FAAP24: variants seen among roughly 807,000 people sequenced by gnomAD.
The protein encoded by FAAP24 is Fanconi anemia core complex-associated protein 24.
A neutral mutation model predicts 14.3 loss-of-function variants in FAAP24; 16 were observed. The observed-to-expected ratio is 1.12, with a 90% CI of 0.76 to 1.69. FAAP24 has a LOEUF of 1.69. FAAP24 is among the 40% of genes most tolerant of loss of function. FAAP24 has a pLI of 0.00. For missense variants in FAAP24, 234 were observed against 262.7 expected, an observed-to-expected ratio of 0.89 and a Z score of 0.75; for synonymous variants, 111 against 106.2, an observed-to-expected ratio of 1.04 and a Z score of -0.28.
At position 32,976,815 on chromosome 19, in the gene FAAP24, A is replaced by C; in HGVS notation, c.*133A>C. The stretch of plus-strand genomic sequence containing the variant: ...CTAATCTCAGCACTTTGGGAGGCCG[A>C]AGACAGCGGATCATCTGAGGTCAGG... On this transcript the variant is annotated 3_prime_UTR_variant, in exon 5 of 5. Transcript: ENST00000588258. 1 of 1,150,840 alleles carries C rather than the reference A, an allele frequency of 8.7e-7. No individual in the cohort carries two copies. 71.3% of individuals were successfully genotyped at this position (1,150,840 alleles called of 1,614,324 possible).
Position 32,976,744 on chromosome 19 carries a change from A to C in FAAP24, c.*62A>C. ...CCACAAACACCAGGATCTTGTTTTC[A>C]GCTTTAAAAACCAAGAGAATGGGCC... is the stretch of plus-strand genomic sequence containing the variant. On this transcript the variant is annotated 3_prime_UTR_variant, in exon 5 of 5. Transcript: ENST00000588258. 6.3e-7 allele frequency: 1 copy of C among 1,586,228 alleles called. No homozygotes were observed. Among genetic ancestry groups the C allele is most frequent in the Non-Finnish European group, 8.6e-7 (1 of 1,165,336 alleles).
Position 32,973,262 on chromosome 19 carries a change from T to C in FAAP24, c.66T>C (p.Asn22=), listed in dbSNP as rs1051873950. The change falls in exon 2 of 5, where the codon AAT becomes AAC. Residue 22 remains asparagine (N), a synonymous_variant. Coordinates refer to ENST00000588258, the MANE Select transcript of FAAP24 (RefSeq NM_152266.5). ...TGCCTTTGGGGCATATTGTGGCCAA[T>C]GAGAAATGGCGCGGGTCACAGCTGG... ...VHVPLGHIVA[N]EKWRGSQLAQ... 1.9e-6 allele frequency: 3 copies of C among 1,613,890 alleles called. No homozygotes were observed. In the South Asian group the frequency reaches 3.3e-5, roughly 18 times the overall value.
At position 32,976,290 on chromosome 19, in the gene FAAP24, T is replaced by A; in HGVS notation, c.397-141T>A. ...AATTTTACTGATGTCTGAGAAATTA[T>A]ATTCATGATACATGAAAACATTTGT... On this transcript the variant is annotated intron_variant, in intron 4 of 4. Transcript: ENST00000588258. 1.9e-6 allele frequency: 2 copies of A among 1,028,166 alleles called. 1 individual carries two copies. The highest frequency in any genetic ancestry group is 2.8e-6 in the Non-Finnish European group (2 of 715,880). The allele number at this position is 1,028,166 out of a possible 1,614,324, so 63.7% of individuals were successfully genotyped here.
intron 1 of FAAP24, 47 bp downstream of exon 1, chr19:32,972,393 G>A: frequency 2.5e-6 from 1 of 402,094 alleles, no homozygotes; most frequent in Non-Finnish European, 4.4e-6. Context: ...TGATGAAAAT[G>A]AAGGACGCGG....
In FAAP24 at chr19:32,972,362, G is replaced by C; in HGVS notation, c.-14+16G>C. 2 of 403,792 alleles carry C rather than the reference G, an allele frequency of 5.0e-6. No homozygotes were observed. Among genetic ancestry groups the C allele is most frequent in the Non-Finnish European group, 8.8e-6 (2 of 228,404 alleles). The allele number at this position is 403,792 out of a possible 1,614,324, so 25.0% of individuals were successfully genotyped here. A position where few individuals can be genotyped will look rare whatever the true frequency, so the allele number is the denominator to read the frequency against. On this transcript the variant is annotated intron_variant, in intron 1 of 4. Transcript: ENST00000588258. ...AGAAGCTACGGTGCGGATCCAGCTG[G>C]GGTATCAGGGGCTAGGCACGTGATG... is the stretch of plus-strand genomic sequence containing the variant.
chr19:32,972,428 T>C, intron 1 of FAAP24, 82 bp downstream of exon 1: 1 of 401,004 alleles, frequency 2.5e-6, no homozygotes, highest in Non-Finnish European at 4.4e-6. Flanking sequence ...ATCTCCTGGT[T>C]CTTAGAGAAT....
At chr19:32,974,338 A>G in intron 4 of FAAP24, 126 bp downstream of exon 4, 1 of 1,163,556 alleles carries the variant, frequency 8.6e-7, no homozygotes, top group South Asian at 1.6e-5. Flanking sequence ...TCTTCGAGGA[A>G]TTTAAATGCG....
Position 32,977,253 on chromosome 19 carries a change from CA to C in FAAP24, c.*572del. On this transcript the variant is annotated 3_prime_UTR_variant, in exon 5 of 5. Transcript: ENST00000588258. ...TCTTCGCAAGAGAGTCAGGGACTCACACTCAGCAAAAAGCATTAGGGCCGAT... is the reference window on the plus strand; with the variant it reads ...TCTTCGCAAGAGAGTCAGGGACTCACCTCAGCAAAAAGCATTAGGGCCGAT... 2.5e-6 allele frequency: 1 copy of C among 398,988 alleles called. No individual in the cohort carries two copies. The highest frequency in any genetic ancestry group is 4.4e-6 in the Non-Finnish European group (1 of 226,438). 24.7% of individuals were successfully genotyped at this position (398,988 alleles called of 1,614,324 possible). A position where few individuals can be genotyped will look rare whatever the true frequency, so the allele number is the denominator to read the frequency against.
intron 3 of FAAP24, 119 bp from the exon 4 acceptor site, chr19:32,973,941 T>A: frequency 1.1e-6 from 1 of 933,402 alleles, no homozygotes; most frequent in South Asian, 1.4e-5. Context: ...CACCCTTCCC[T>A]CCATCCCTTG....
At chr19:32,973,670 C>T (rs1002222581) in intron 3 of FAAP24, 108 bp downstream of exon 3, 3 of 1,149,408 alleles carry the variant, frequency 2.6e-6, no homozygotes, top group African/African-American at 1.5e-5. Context: ...GCCTGGCCAA[C>T]ATGGTGAAAC....
intron 1 of FAAP24, among the ~76,000 whole-genome samples, chr19:32,972,704 C>T (rs944031132): frequency 3.9e-5 from 5 of 128,424 alleles, no homozygotes; most frequent in African/African-American, 1.5e-4. Flanking sequence ...TTTGTGTTTT[C>T]TTTTTCTTTT....
chr19:32,976,738 GT>G lies in FAAP24; in HGVS notation c.*60del, dbSNP rs1971523747. On this transcript the variant is annotated 3_prime_UTR_variant, in exon 5 of 5. Transcript: ENST00000588258. The stretch of plus-strand genomic sequence containing the variant: ...CTGAGACCACAAACACCAGGATCTT[GT>G]TTTCAGCTTTAAAAACCAAGAGAAT... The G allele has an allele frequency of 1.9e-6, 3 of 1,591,254 alleles. No homozygotes were observed. The South Asian group carries it at 3.3e-5, about 18-fold the overall frequency.
chr19:32,977,028 G>A lies in FAAP24; in HGVS notation c.*346G>A, dbSNP rs1416563635. ...TGCACTCCAGCCTGGGCACCAGAGC[G>A]AGACTCCGTCTCAAAGAAAACAACA... On this transcript the variant is annotated 3_prime_UTR_variant, in exon 5 of 5. Coordinates refer to ENST00000588258, the MANE Select transcript of FAAP24 (RefSeq NM_152266.5). 2.5e-5 allele frequency: 10 copies of A among 396,412 alleles called. No individual in the cohort carries two copies. The highest frequency in any genetic ancestry group is 1.3e-4 in the African/African-American group (6 of 47,088). 24.6% of individuals were successfully genotyped at this position (396,412 alleles called of 1,614,324 possible). A position where few individuals can be genotyped will look rare whatever the true frequency, so the allele number is the denominator to read the frequency against.
Position 32,973,486 on chromosome 19 carries a change from G to A in FAAP24, c.167G>A (p.Cys56Tyr), listed in dbSNP as rs1568303628. 2 of 1,614,222 alleles carry A rather than the reference G, an allele frequency of 1.2e-6. No individual in the cohort carries two copies. The highest frequency in any genetic ancestry group is 1.7e-6 in the Non-Finnish European group (2 of 1,180,042). The change falls in exon 3 of 5, where the codon TGC (cysteine) becomes TAC (tyrosine). Residue 56 changes from cysteine to tyrosine, a missense_variant. Transcript: ENST00000588258. ...CCAGACTTTTATCTGTCGAACAGAT[G>A]CTGCATTCTTTATGTCACCGAAGCT... ...LTPDFYLSNR[C>Y]CILYVTEADL...
chr19:32,974,250 C>T, intron 4 of FAAP24, 38 bp downstream of exon 4: 1 of 1,579,742 alleles, frequency 6.3e-7, no homozygotes. Context: ...GTAGTCCTGT[C>T]CTCATGGACA....
Position 32,973,250 on chromosome 19 carries a change from T to A in FAAP24, c.54T>A (p.His18Gln). ...DTGPVHVPLG[H>Q]IVANEKWRGS... Reference sequence around the variant, plus strand: ...GCCCCGTGCACGTGCCTTTGGGGCATATTGTGGCCAATGAGAAATGGCGCG... The same window carrying A: ...GCCCCGTGCACGTGCCTTTGGGGCAAATTGTGGCCAATGAGAAATGGCGCG... The change falls in exon 2 of 5, where the codon CAT becomes CAA. Residue 18 changes from histidine (H) to glutamine (Q), a missense_variant. His to Gln is a conservative substitution (Grantham distance 24). Transcript: ENST00000588258. The A allele has an allele frequency of 3.7e-6, 6 of 1,614,062 alleles. No individual in the cohort carries two copies. Among genetic ancestry groups the A allele is most frequent in the Non-Finnish European group, 5.1e-6 (6 of 1,180,026 alleles).
At chr19:32,975,324 C>T (rs144916812) in intron 4 of FAAP24, among the ~76,000 whole-genome samples, 2,395 of 151,864 alleles carry the variant, frequency 0.016, 219 homozygotes, top group Admixed American at 0.14. Context: ...CACCCACCAC[C>T]ATGCCCGGCT....
rs1195424857 is a variant in FAAP24, at chr19:32,977,422, T to C, written c.*740T>C. The C allele has an allele frequency of 2.5e-6, 1 of 398,656 alleles. No individual in the cohort carries two copies. Among genetic ancestry groups the C allele is most frequent in the Admixed American group, 4.4e-5 (1 of 22,732 alleles). 24.7% of individuals were successfully genotyped at this position (398,656 alleles called of 1,614,324 possible). A position where few individuals can be genotyped will look rare whatever the true frequency, so the allele number is the denominator to read the frequency against. ...CCTGGGTTCCCAGAGTTTCACCTGC[T>C]GTTCATCAGGTCTGGCCTTCATATA... On this transcript the variant is annotated 3_prime_UTR_variant, in exon 5 of 5. Coordinates refer to ENST00000588258, the MANE Select transcript of FAAP24 (RefSeq NM_152266.5).
rs771302680 is a variant in FAAP24, at chr19:32,976,673, G to GC, written c.642dup (p.Arg215GlnfsTer68). 72 of 1,613,838 alleles carry GC rather than the reference G, an allele frequency of 4.5e-5. No homozygotes were observed. The highest frequency in any genetic ancestry group is 5.8e-5 in the Non-Finnish European group (68 of 1,179,924). ...AGCAGATCCATGCCTTCTTCACGCAGCCCAGGTGAGGGCTGGCCTCAGGGC... is the reference window on the plus strand; with the variant it reads ...AGCAGATCCATGCCTTCTTCACGCAGCCCCAGGTGAGGGCTGGCCTCAGGGC... On this transcript the variant is annotated frameshift_variant, in exon 5 of 5. Transcript: ENST00000588258. LOFTEE classifies it high-confidence loss of function.
Sources: allele counts gnomAD v4.1 joint callset (sites outside exome capture counted in the v4.1 genomes callset), GRCh38; gene constraint gnomAD v4.1.1; transcripts MANE v1.5; gene names NCBI Gene and HGNC (gene_info 2026-07-23, HGNC 2026-07-21).